GTF2A1: variants seen among roughly 807,000 people sequenced by gnomAD.
GTF2A1 encodes the protein transcription initiation factor IIA subunit 1.
GTF2A1 carries 12 observed loss-of-function variants against 54.1 expected under a neutral mutation model. The ratio of observed to expected loss-of-function variants is 0.22; its 90% CI spans 0.14 to 0.36. The LOEUF is 0.36. GTF2A1 is among the 10% of genes least tolerant of loss of function. The pLI, the probability that GTF2A1 is intolerant of heterozygous loss-of-function variation, is 1.00. For missense variants in GTF2A1, 335 were observed against 442.2 expected, an observed-to-expected ratio of 0.76 and a Z score of 2.17; for synonymous variants, 145 against 152.0, an observed-to-expected ratio of 0.95 and a Z score of 0.34.
At chr14:81,193,095 T>TACCA (rs1892912023) in intron 6 of GTF2A1, among the ~76,000 whole-genome samples, 1 of 152,006 alleles carries the variant, frequency 6.6e-6, no homozygotes, top group Admixed American at 6.6e-5. Flanking sequence ...ATATGCCAGC[T>TACCA]ACCAGGACAA....
At chr14:81,180,454 A>G in intron 8 of GTF2A1, 124 bp from the exon 9 acceptor site, 1 of 549,180 alleles carries the variant, frequency 1.8e-6, no homozygotes, top group Non-Finnish European at 3.3e-6. Context: ...TATTTACAGT[A>G]TTGTATTTGC....
chr14:81,191,380 A>G (rs550898345), intron 7 of GTF2A1, among the ~76,000 whole-genome samples: 2 of 152,342 alleles, frequency 1.3e-5, no homozygotes, highest in African/African-American at 2.4e-5. Context: ...AATATTTTAT[A>G]ACTGTTTGTA....
At position 81,191,316 on chromosome 14, in the gene GTF2A1, G is replaced by A. The variant is rs181084448; in HGVS notation, c.933+1203C>T. ...CTTAGGAGCCAGAAGTTCAATGTTC[G>A]GTATAAAATTTAGAGAACCTCTTGC... is the stretch of plus-strand genomic sequence containing the variant. On this transcript the variant is annotated intron_variant, in intron 7 of 8. Transcript: ENST00000553612. 1.5e-3 allele frequency among the ~76,000 whole-genome samples: 221 copies of A among 152,114 alleles called. 1 individual carries two copies. Among genetic ancestry groups the A allele is most frequent in the Non-Finnish European group, 7.4e-4 (50 of 67,962 alleles).
chr14:81,210,874 C>T (rs1005699355), intron 2 of GTF2A1, among the ~76,000 whole-genome samples: 11 of 152,098 alleles, frequency 7.2e-5, no homozygotes, highest in Admixed American at 4.6e-4. Flanking sequence ...CAGCCACTAA[C>T]ATAGTATTGA....
At chr14:81,193,980 G>C (rs1352937625) in intron 6 of GTF2A1, among the ~76,000 whole-genome samples, 1 of 152,112 alleles carries the variant, frequency 6.6e-6, no homozygotes, top group African/African-American at 2.4e-5. Flanking sequence ...CAGTGTTATG[G>C]GAACACAAGA....
intron 1 of GTF2A1, among the ~76,000 whole-genome samples, chr14:81,217,944 C>T (rs1345250561): frequency 6.6e-6 from 1 of 152,184 alleles, no homozygotes; most frequent in Non-Finnish European, 1.5e-5. Context: ...GCCAAATCCG[C>T]CTCTTGAAGT....
chr14:81,203,328 T>G (rs1893154913), intron 3 of GTF2A1, among the ~76,000 whole-genome samples: 1 of 152,220 alleles, frequency 6.6e-6, no homozygotes, highest in Non-Finnish European at 1.5e-5. Context: ...TAAGATATGT[T>G]ATATATCCAC....
intron 6 of GTF2A1, 91 bp from the exon 7 acceptor site, chr14:81,192,930 A>C: frequency 1.3e-6 from 1 of 763,618 alleles, no homozygotes; most frequent in African/African-American, 1.7e-5. Context: ...GATTCACCAG[A>C]ATGGCCATAT....
At chr14:81,193,112 T>G (rs1892912390) in intron 6 of GTF2A1, among the ~76,000 whole-genome samples, 2 of 152,012 alleles carry the variant, frequency 1.3e-5, no homozygotes, top group South Asian at 4.1e-4. Flanking sequence ...ACAAAAGTTA[T>G]ACACTGCCTT....
chr14:81,199,777 A>C (rs1398398332), intron 4 of GTF2A1, among the ~76,000 whole-genome samples: 3 of 152,202 alleles, frequency 2.0e-5, no homozygotes, highest in Non-Finnish European at 4.4e-5. Context: ...ACTAATTTTT[A>C]TCCCAGAAAT....
At chr14:81,215,862 C>T (rs1225038392) in intron 2 of GTF2A1, among the ~76,000 whole-genome samples, 1 of 152,112 alleles carries the variant, frequency 6.6e-6, no homozygotes, top group East Asian at 1.9e-4. Context: ...ATGGTGAAAA[C>T]CATCTCTACC....
At chr14:81,189,028 T>A (rs971468585) in intron 7 of GTF2A1, among the ~76,000 whole-genome samples, 1 of 152,174 alleles carries the variant, frequency 6.6e-6, no homozygotes, top group Non-Finnish European at 1.5e-5. Context: ...ACAAATAGCA[T>A]AAATAGCAAT....
rs1213701818 is a variant in GTF2A1 at position 81,177,287 on chromosome 14, C to T, written c.*2936G>A. The T allele has an allele frequency of 3.3e-5, 5 of 152,014 alleles. No individual in the cohort carries two copies. The highest frequency in any genetic ancestry group is 1.2e-4 in the African/African-American group (5 of 41,412). The allele number at this position is 152,014 out of a possible 1,614,324, so 9.4% of individuals were successfully genotyped here. On this transcript the variant is annotated 3_prime_UTR_variant, in exon 9 of 9. Transcript: ENST00000553612. ...TTTAATTAACAGAAAGAAATGTGAACATTTAAAAAATAGAAAAGCCCAACA... is the reference window on the plus strand; with the variant it reads ...TTTAATTAACAGAAAGAAATGTGAATATTTAAAAAATAGAAAAGCCCAACA...
chr14:81,186,575 A>G (rs1249700638), intron 7 of GTF2A1, among the ~76,000 whole-genome samples: 1 of 152,234 alleles, frequency 6.6e-6, no homozygotes, highest in Non-Finnish European at 1.5e-5. Context: ...CAATTGTGAC[A>G]GAAGATAGAA....
At position 81,185,458 on chromosome 14, in the gene GTF2A1, AAGGC is replaced by A. The variant is rs1892723821; in HGVS notation, c.1023+69_1023+72del. 6 of 831,868 alleles carry A rather than the reference AAGGC, an allele frequency of 7.2e-6. No individual in the cohort carries two copies. The Admixed American group carries it at 1.1e-4, about 16-fold the overall frequency. 51.5% of individuals were successfully genotyped at this position (831,868 alleles called of 1,614,324 possible). A position where few individuals can be genotyped will look rare whatever the true frequency, so the allele number is the denominator to read the frequency against. The stretch of plus-strand genomic sequence containing the variant: ...GAATCAGCTGCCCAAATGTTTCAAT[AAGGC>A]AGAAAGAATAATGTAGGGAAGAAAT... On this transcript the variant is annotated intron_variant, in intron 8 of 8. Coordinates refer to ENST00000553612, the MANE Select transcript of GTF2A1 (RefSeq NM_015859.4).
At chr14:81,208,248 C>A (rs1384831485) in intron 2 of GTF2A1, among the ~76,000 whole-genome samples, 1 of 152,182 alleles carries the variant, frequency 6.6e-6, no homozygotes. Context: ...GTCCCAGCCA[C>A]TCCAGCTGAA....
intron 2 of GTF2A1, among the ~76,000 whole-genome samples, chr14:81,207,889 T>G (rs150356475): frequency 6.6e-6 from 1 of 152,336 alleles, no homozygotes; most frequent in East Asian, 1.9e-4. Context: ...CAGAAGAAAT[T>G]TCTAAGCAGA....
Position 81,189,658 on chromosome 14 carries a change from G to A in GTF2A1, c.933+2861C>T, listed in dbSNP as rs139015772. Among the ~76,000 whole-genome samples, 876 of 151,696 alleles carry A rather than the reference G, an allele frequency of 5.8e-3. 9 individuals are homozygous for A. The highest frequency in any genetic ancestry group is 0.02 in the African/African-American group (828 of 41,356). On this transcript the variant is annotated intron_variant, in intron 7 of 8. Transcript: ENST00000553612. The stretch of plus-strand genomic sequence containing the variant: ...TGCACTCCAGCTTGGGTGACAGAGC[G>A]AGACTCCATCTCAAAAAAAAAATGG...
rs1421634928 is a variant in GTF2A1 at position 81,215,660 on chromosome 14, C to T, written c.132+753G>A. 2.6e-5 allele frequency among the ~76,000 whole-genome samples: 4 copies of T among 152,230 alleles called. No homozygotes were observed. In the East Asian group the frequency reaches 7.7e-4, roughly 29 times the overall value. Reference sequence around the variant, plus strand: ...CTACATAAAGGGTCTACTTCAAGAACCTAAAATTCTTTTATCAAGCACTTA... The same window carrying T: ...CTACATAAAGGGTCTACTTCAAGAATCTAAAATTCTTTTATCAAGCACTTA... On this transcript the variant is annotated intron_variant, in intron 2 of 8. Coordinates refer to ENST00000553612, the MANE Select transcript of GTF2A1 (RefSeq NM_015859.4).
Sources: allele counts gnomAD v4.1 joint callset (sites outside exome capture counted in the v4.1 genomes callset), GRCh38; gene constraint gnomAD v4.1.1; transcripts MANE v1.5; gene names NCBI Gene and HGNC (gene_info 2026-07-23, HGNC 2026-07-21).